The following TRAP1 variants were observed in gnomAD, a reference collection of about 807,000 sequenced individuals.
The protein encoded by TRAP1 is heat shock protein 75 kDa, mitochondrial.
TRAP1 carries 102 observed loss-of-function variants against 89.1 expected under a neutral mutation model. The observed-to-expected ratio is 1.15, with a 90% CI of 0.98 to 1.35. The LOEUF (loss-of-function observed/expected upper bound fraction) is 1.35, where lower values mean the gene tolerates loss of function less well. Ranked by LOEUF, TRAP1 falls within the 40% of genes most tolerant of loss-of-function variation. TRAP1 has a pLI of 0.00. For missense variants in TRAP1, 1,256 were observed against 945.3 expected, an observed-to-expected ratio of 1.33 and a Z score of -4.31; for synonymous variants, 508 against 388.0, an observed-to-expected ratio of 1.31 and a Z score of -3.64.
intron 16 of TRAP1, chr16:3,661,437 C>T: frequency 6.6e-6 from 1 of 152,164 alleles, no homozygotes; most frequent in Non-Finnish European, 1.5e-5. Context: ...ACAGAGAAAC[C>T]CACACAAGCC....
intron 1 of TRAP1, among the ~76,000 whole-genome samples, chr16:3,695,605 G>C (rs944857765): frequency 6.6e-6 from 1 of 151,768 alleles, no homozygotes; most frequent in African/African-American, 2.4e-5. Flanking sequence ...GGGCGCACAT[G>C]AACACAAAAT....
Position 3,687,883 on chromosome 16 carries a change from A to AAC in TRAP1, c.330+1171_330+1172insGT, listed in dbSNP as rs5815178. Among the ~76,000 whole-genome samples the AAC allele has an allele frequency of 1.4e-3, 217 of 150,102 alleles. 1 individual carries two copies. Among genetic ancestry groups the AAC allele is most frequent in the Admixed American group, 2.3e-3 (35 of 15,004 alleles). ...AAAACCAAAAAAAAAAAAAACAAAAACCCACACAATTAAAAATAGAAAAAT... is the reference window on the plus strand; with the variant it reads ...AAAACCAAAAAAAAAAAAAACAAAAAACCCCACACAATTAAAAATAGAAAAAT... On this transcript the variant is annotated intron_variant, in intron 3 of 17. Transcript: ENST00000246957.
chr16:3,697,910 T>C (rs1180234472), intron 1 of TRAP1, among the ~76,000 whole-genome samples: 2 of 151,600 alleles, frequency 1.3e-5, no homozygotes, highest in Non-Finnish European at 2.9e-5. Flanking sequence ...TGCCTCAGCC[T>C]CCCAAGTAGC....
intron 11 of TRAP1, among the ~76,000 whole-genome samples, chr16:3,667,345 G>C (rs1019671285): frequency 5.9e-5 from 9 of 152,134 alleles, no homozygotes; most frequent in Admixed American, 5.9e-4. Context: ...AATAATCAAC[G>C]GGGCATGGTG....
chr16:3,662,109 G>T lies in TRAP1; in HGVS notation c.1818C>A (p.His606Gln), dbSNP rs200158341. The change falls in exon 16 of 18, where the codon CAC becomes CAA. Residue 606 changes from histidine to glutamine, a missense_variant. Physicochemically the swap from His to Gln is conservative, Grantham distance 24. Coordinates refer to ENST00000246957, the MANE Select transcript of TRAP1 (RefSeq NM_016292.3). ...NVKVTLRLDT[H>Q]PAMVTVLEMG... is the part of the protein sequence containing the mutation. ...TCTCCAGCACGGTGACCATGGCAGG[G>T]TGGGTGTCCAGTCGGAGGGTCACCT... The T allele has an allele frequency of 6.2e-7, 1 of 1,613,080 alleles. No individual in the cohort carries two copies. Among genetic ancestry groups the T allele is most frequent in the East Asian group, 2.2e-5 (1 of 44,850 alleles).
chr16:3,690,470 T>A (rs1011432662), intron 2 of TRAP1, among the ~76,000 whole-genome samples: 3 of 152,192 alleles, frequency 2.0e-5, no homozygotes, highest in African/African-American at 7.2e-5. Flanking sequence ...TTTTTTATAC[T>A]TCAGAGGGAA....
chr16:3,680,234 CAAAA>C (rs894617965), intron 4 of TRAP1: 3 of 116,340 alleles, frequency 2.6e-5, no homozygotes, highest in African/African-American at 3.2e-5. Flanking sequence ...GACTCCATCT[CAAAA>C]AAAAAAAAAG....
chr16:3,671,369 G>C (rs529969402), intron 11 of TRAP1, among the ~76,000 whole-genome samples: 3 of 152,230 alleles, frequency 2.0e-5, no homozygotes, highest in Non-Finnish European at 4.4e-5. Flanking sequence ...GATAGCTACT[G>C]ATGGAGAACC....
At chr16:3,662,256 T>C (rs552005105) in intron 15 of TRAP1, 124 bp from the exon 16 acceptor site, 36 of 1,189,358 alleles carry the variant, frequency 3.0e-5, no homozygotes, top group Non-Finnish European at 3.9e-5. Flanking sequence ...AGGACTCCCC[T>C]GGACCAGCGC....
At chr16:3,695,706 TTGAC>T (rs2051277900) in intron 1 of TRAP1, among the ~76,000 whole-genome samples, 1 of 152,062 alleles carries the variant, frequency 6.6e-6, no homozygotes, top group Non-Finnish European at 1.5e-5. Context: ...AAATAGCACT[TTGAC>T]TGTTACTGTA....
At chr16:3,662,357 C>T (rs749568057) in intron 15 of TRAP1, 2 of 616,454 alleles carry the variant, frequency 3.2e-6, no homozygotes, top group Non-Finnish European at 5.6e-6. Flanking sequence ...CACCCTGGTG[C>T]CCCGCTGCTG....
rs183661921 is a variant in TRAP1 at position 3,686,130 on chromosome 16, T to C, written c.337A>G (p.Ile113Val). 42 of 1,614,022 alleles carry C rather than the reference T, an allele frequency of 2.6e-5. No individual in the cohort carries two copies. In the East Asian group the frequency reaches 6.2e-4, roughly 24 times the overall value. ...CTGGCATTGGAGATCAGCTCCCGTA[T>C]AAACACCTACAGGAATAGAAATGGG... ...RSLYSEKEVFIRELISNASDA... is the reference protein window; with the variant it reads ...RSLYSEKEVFVRELISNASDA... The change falls in exon 4 of 18, where the codon ATA becomes GTA. Residue 113 changes from isoleucine to valine, a missense_variant. Physicochemically the swap from Ile to Val is conservative, Grantham distance 29 (BLOSUM62 3). Coordinates refer to ENST00000246957, the MANE Select transcript of TRAP1 (RefSeq NM_016292.3).
chr16:3,685,269 C>G (rs1017878893), intron 4 of TRAP1, among the ~76,000 whole-genome samples: 6 of 152,238 alleles, frequency 3.9e-5, no homozygotes, highest in Non-Finnish European at 7.3e-5. Context: ...GGGGCTCAGT[C>G]TGGATTCTCT....
intron 1 of TRAP1, among the ~76,000 whole-genome samples, chr16:3,696,056 G>A (rs956884573): frequency 6.6e-6 from 1 of 152,122 alleles, no homozygotes; most frequent in Non-Finnish European, 1.5e-5. Flanking sequence ...GCCCAGGCGC[G>A]ATGACCCCCC....
At chr16:3,669,285 C>T (rs1033479228) in intron 11 of TRAP1, among the ~76,000 whole-genome samples, 2 of 152,156 alleles carry the variant, frequency 1.3e-5, no homozygotes, top group Non-Finnish European at 2.9e-5. Context: ...ACAGAACAGT[C>T]GCTGCTGTGG....
intron 1 of TRAP1, among the ~76,000 whole-genome samples, chr16:3,698,287 G>A (rs1221569407): frequency 6.6e-6 from 1 of 150,812 alleles, no homozygotes; most frequent in East Asian, 2.0e-4. Flanking sequence ...AAGCAGATTT[G>A]ATTTCAGGTT....
At chr16:3,711,251 A>G (rs1355399546) in intron 1 of TRAP1, among the ~76,000 whole-genome samples, 1 of 152,042 alleles carries the variant, frequency 6.6e-6, no homozygotes, top group Non-Finnish European at 1.5e-5. Flanking sequence ...AAAACCAATG[A>G]TTCAGCTACA....
chr16:3,684,294 T>C (rs1403144604), intron 4 of TRAP1, among the ~76,000 whole-genome samples: 3 of 152,166 alleles, frequency 2.0e-5, no homozygotes, highest in Non-Finnish European at 4.4e-5. Context: ...TACAATGAAG[T>C]GTTAAATATC....
intron 1 of TRAP1, among the ~76,000 whole-genome samples, chr16:3,697,950 G>A (rs114314585): frequency 0.041 from 6,171 of 151,362 alleles, 402 homozygotes; most frequent in African/African-American, 0.14. Context: ...CACCATGCCC[G>A]GCTAACTTTT....
Sources: allele counts gnomAD v4.1 joint callset (sites outside exome capture counted in the v4.1 genomes callset), GRCh38; gene constraint gnomAD v4.1.1; transcripts MANE v1.5; gene names NCBI Gene and HGNC (gene_info 2026-07-23, HGNC 2026-07-21).